The following APOL2 variants were observed in gnomAD, a reference collection of about 807,000 sequenced individuals.
The protein encoded by APOL2 is apolipoprotein L2.
In APOL2, 8 loss-of-function variants were observed where a neutral mutation model predicts 7.1. The observed-to-expected ratio is 1.12, with a 90% CI of 0.66 to 2.03. APOL2 has a LOEUF of 2.03. Among genes scored for constraint, APOL2 ranks in the 30% most tolerant of loss-of-function variants. The pLI is 0.00. For missense variants in APOL2, 471 were observed against 415.1 expected (o/e 1.13, Z -1.17); for synonymous variants, 177 against 159.9 (o/e 1.11, Z -0.81).
rs577079550 is a variant in APOL2, at chr22:36,227,294, C to T, written c.*110G>A. 3.2e-5 allele frequency: 43 copies of T among 1,327,076 alleles called. No individual in the cohort carries two copies. In the Admixed American group the frequency reaches 6.2e-4, roughly 19 times the overall value. The allele number at this position is 1,327,076 out of a possible 1,614,324, so 82.2% of individuals were successfully genotyped here. ...TTGAGCCACTGCACTCCATCCTGGG[C>T]GATAGAGCGAGACTCCATCTCAAAA... is the stretch of plus-strand genomic sequence containing the variant. On this transcript the variant is annotated 3_prime_UTR_variant, in exon 5 of 5. Transcript: ENST00000358502.
intron 1 of APOL2, among the ~76,000 whole-genome samples, chr22:36,234,535 T>G (rs2015337076): frequency 6.6e-6 from 1 of 152,210 alleles, no homozygotes; most frequent in Admixed American, 6.5e-5. Flanking sequence ...TTCTTCACAT[T>G]CTGCTCCTGA....
In APOL2 at chr22:36,228,196, G is replaced by C. The variant is rs201164781; in HGVS notation, c.222C>G (p.Asp74Glu). 926 of 1,614,194 alleles carry C rather than the reference G, an allele frequency of 5.7e-4. 3 individuals carry two copies. Among genetic ancestry groups the C allele is most frequent in the South Asian group, 9.6e-4 (87 of 91,086 alleles). The stretch of plus-strand genomic sequence containing the variant: ...TCAAAAACCACTGCCTGTGCTGCTG[G>C]TCTTTATCGTGGCGGTTTTTGTCCT... ...VMKDKNRHDKDQQHRQWFLKE... is the reference protein window; with the variant it reads ...VMKDKNRHDKEQQHRQWFLKE... The change falls in exon 5 of 5, where the codon GAC becomes GAG. Residue 74 changes from aspartate (D) to glutamate (E), a missense_variant. Transcript: ENST00000358502.
Position 36,227,222 on chromosome 22 carries a change from C to T in APOL2, c.*182G>A, listed in dbSNP as rs187498949. The T allele has an allele frequency of 2.1e-4, 138 of 659,170 alleles. No homozygotes were observed. The highest frequency in any genetic ancestry group is 1.4e-3 in the Admixed American group (37 of 26,908). The allele number at this position is 659,170 out of a possible 1,614,324, so 40.8% of individuals were successfully genotyped here. A position where few individuals can be genotyped will look rare whatever the true frequency, so the allele number is the denominator to read the frequency against. On this transcript the variant is annotated 3_prime_UTR_variant, in exon 5 of 5. Transcript: ENST00000358502. ...TCCCAGCTACTCGGGAGACTGAGGCCGGAGAATGGTGTGAACCCGGGAGGC... is the reference window on the plus strand; with the variant it reads ...TCCCAGCTACTCGGGAGACTGAGGCTGGAGAATGGTGTGAACCCGGGAGGC...
At chr22:36,229,588 T>C (rs2146970704) in intron 4 of APOL2, among the ~76,000 whole-genome samples, 1 of 152,336 alleles carries the variant, frequency 6.6e-6, no homozygotes, top group South Asian at 2.1e-4. Context: ...CTGTGTTCTT[T>C]CCCTGTGATA....
intron 1 of APOL2, chr22:36,236,548 C>T (rs1472408870): frequency 1.4e-5 from 14 of 984,796 alleles, no homozygotes; most frequent in Non-Finnish European, 1.7e-5. Context: ...CGATTCAGGC[C>T]CATCCCAGTT....
At chr22:36,238,986 T>C (rs2001195) in intron 1 of APOL2, 181,630 of 442,476 alleles carry the variant, frequency 0.41, 40,827 homozygotes, top group Non-Finnish European at 0.47. Context: ...AGAAATCTGT[T>C]GTTCCCATTG....
intron 1 of APOL2, among the ~76,000 whole-genome samples, chr22:36,235,960 T>C (rs1399889778): frequency 6.6e-6 from 1 of 151,990 alleles, no homozygotes; most frequent in Non-Finnish European, 1.5e-5. Context: ...GGAATGGTTC[T>C]GTGGGAAAAA....
intron 4 of APOL2, among the ~76,000 whole-genome samples, chr22:36,229,444 C>T (rs1435842376): frequency 6.6e-6 from 1 of 152,200 alleles, no homozygotes; most frequent in Non-Finnish European, 1.5e-5. Flanking sequence ...GTGAGCTTCC[C>T]TGGTTGGCAA....
At chr22:36,236,059 C>T (rs984345452) in intron 1 of APOL2, among the ~76,000 whole-genome samples, 4 of 151,986 alleles carry the variant, frequency 2.6e-5, no homozygotes, top group African/African-American at 9.7e-5. Flanking sequence ...GGAAAAAAAA[C>T]AAAGGCAATT....
Position 36,227,591 on chromosome 22 carries a change from C to G in APOL2, c.827G>C (p.Gly276Ala), listed in dbSNP as rs760618848. 3 of 1,614,124 alleles carry G rather than the reference C, an allele frequency of 1.9e-6. No homozygotes were observed. Among genetic ancestry groups the G allele is most frequent in the African/African-American group, 1.3e-5 (1 of 74,944 alleles). The change falls in exon 5 of 5, where the codon GGT becomes GCT. Residue 276 changes from glycine (G) to alanine (A), a missense_variant. Transcript: ENST00000358502. ...QAMSRGTMIV[G>A]AATGGILLLL... is the part of the protein sequence containing the mutation. ...AAGCAAGATGCCTCCAGTGGCTGCA[C>G]CCACGATCATGGTTCCTCTGCTCAT...
At position 36,226,874 on chromosome 22, in the gene APOL2, T is replaced by A. The variant is rs1414248698; in HGVS notation, c.*530A>T. 1 of 160,806 alleles carries A rather than the reference T, an allele frequency of 6.2e-6. No homozygotes were observed. The highest frequency in any genetic ancestry group is 1.4e-5 in the Non-Finnish European group (1 of 73,276). 10.0% of individuals were successfully genotyped at this position (160,806 alleles called of 1,614,324 possible). ...CTCTCCAGTCCTCTCTCCTCCCTTATTGCAGGCTCCAGTGTTCCTGCCTTC... is the reference window on the plus strand; with the variant it reads ...CTCTCCAGTCCTCTCTCCTCCCTTAATGCAGGCTCCAGTGTTCCTGCCTTC... On this transcript the variant is annotated 3_prime_UTR_variant, in exon 5 of 5. Coordinates refer to ENST00000358502, the MANE Select transcript of APOL2 (RefSeq NM_030882.4).
intron 4 of APOL2, among the ~76,000 whole-genome samples, chr22:36,229,288 G>A (rs774823416): frequency 4.6e-5 from 7 of 152,218 alleles, no homozygotes; most frequent in Middle Eastern, 3.4e-3. Context: ...TCCATCTCCC[G>A]CCCCCACCCT....
In APOL2 at chr22:36,226,782, TC is replaced by T. The variant is rs11302931; in HGVS notation, c.*621del. ...CTTCTCATTGCTGGTTCCTGCAAGC[TC>T]CCCCTCTATTCTTCGCCCAATATAT... is the stretch of plus-strand genomic sequence containing the variant. On this transcript the variant is annotated 3_prime_UTR_variant, in exon 5 of 5. Transcript: ENST00000358502. 0.13 allele frequency: 21,082 copies of T among 157,598 alleles called. 2,292 individuals are homozygous for T. Among genetic ancestry groups the T allele is most frequent in the African/African-American group, 0.3 (12,548 of 41,350 alleles). The allele number at this position is 157,598 out of a possible 1,614,324, so 9.8% of individuals were successfully genotyped here.
At chr22:36,239,309 C>T in intron 1 of APOL2, 132 bp downstream of exon 1, 2 of 1,344,066 alleles carry the variant, frequency 1.5e-6, no homozygotes, top group Non-Finnish European at 1.9e-6. Context: ...GGCTCTGCCA[C>T]TGCTTTCCTG....
chr22:36,237,171 G>A (rs2146983432), intron 1 of APOL2: 3 of 1,504,648 alleles, frequency 2.0e-6, no homozygotes, highest in Non-Finnish European at 1.8e-6. Context: ...GCTGGATACT[G>A]CCCCTCAGGC....
intron 4 of APOL2, among the ~76,000 whole-genome samples, chr22:36,230,589 C>T (rs576863549): frequency 4.6e-5 from 7 of 152,196 alleles, no homozygotes; most frequent in Non-Finnish European, 4.4e-5. Flanking sequence ...ACACTGGTCC[C>T]GGTCTCTCTG....
chr22:36,233,175 T>A lies in APOL2; in HGVS notation c.-13A>T. 1 of 1,614,116 alleles carries A rather than the reference T, an allele frequency of 6.2e-7. No homozygotes were observed. ...TACCTGGGTTCATGGTGCCAGCGGC[T>A]GGGTTACCGAGGGGCTTTCCTTGGA... On this transcript the variant is annotated 5_prime_UTR_variant, in exon 3 of 5. Coordinates refer to ENST00000358502, the MANE Select transcript of APOL2 (RefSeq NM_030882.4).
intron 3 of APOL2, among the ~76,000 whole-genome samples, chr22:36,232,634 T>C (rs1354050624): frequency 6.6e-6 from 1 of 151,772 alleles, no homozygotes; most frequent in Non-Finnish European, 1.5e-5. Context: ...CAGACCGGGG[T>C]CCATTTAAGT....
rs778152672 is a variant in APOL2 at position 36,233,441 on chromosome 22, C to CA, written c.-120dup. 1.2e-5 allele frequency: 19 copies of CA among 1,550,708 alleles called. No homozygotes were observed. In the African/African-American group the frequency reaches 2.3e-4, roughly 19 times the overall value. On this transcript the variant is annotated 5_prime_UTR_variant, in exon 2 of 5. An upstream open reading frame in the 5' UTR gains an earlier in-frame stop. Coordinates refer to ENST00000358502, the MANE Select transcript of APOL2 (RefSeq NM_030882.4). ...CTCTTCCCTCACTCTCACACCAAGGCAGGGTCCTCTTGTCCTGTAGGGGTA... is the reference window on the plus strand; with the variant it reads ...CTCTTCCCTCACTCTCACACCAAGGCAAGGGTCCTCTTGTCCTGTAGGGGTA...
Sources: gnomAD v4.1 joint callset for allele counts (sites outside exome capture counted in the v4.1 genomes callset) on GRCh38, gnomAD v4.1.1 for gene constraint, MANE v1.5 for transcripts, NCBI Gene and HGNC (gene_info 2026-07-23, HGNC 2026-07-21) for gene names.